The following TMEM135 variants were observed in gnomAD, a reference collection of about 807,000 sequenced individuals.
TMEM135 encodes the protein transmembrane protein 135, also known as peroxisomal membrane protein 52.
Under a neutral mutation model 60.3 loss-of-function variants are expected in TMEM135, and 30 were observed. The observed-to-expected ratio is 0.50, with a 90% CI of 0.37 to 0.68. The LOEUF (loss-of-function observed/expected upper bound fraction) is 0.68. Ranked by LOEUF, TMEM135 falls within the 30% of genes least tolerant of loss-of-function variation. The pLI, the probability that TMEM135 is intolerant of heterozygous loss-of-function variation, is 0.00. For synonymous variants in TMEM135, 190 were observed against 186.7 expected (o/e 1.02, Z -0.14); for missense variants, 468 against 548.8 (o/e 0.85, Z 1.47).
rs1391833537 is a variant in TMEM135, at chr11:87,324,645, G to A, written c.*3312G>A. 3 of 449,114 alleles carry A rather than the reference G, an allele frequency of 6.7e-6. No individual in the cohort carries two copies. Among genetic ancestry groups the A allele is most frequent in the African/African-American group, 6.1e-5 (3 of 49,416 alleles). 27.8% of individuals were successfully genotyped at this position (449,114 alleles called of 1,614,324 possible). On this transcript the variant is annotated 3_prime_UTR_variant, in exon 15 of 15. Coordinates refer to ENST00000305494, the MANE Select transcript of TMEM135 (RefSeq NM_022918.4). ...AAGGTGTTGCTATGTTGTCCAGGCT[G>A]GTCTTAAACTCCTGGCCTCAAGTGA... is the stretch of plus-strand genomic sequence containing the variant.
intron 6 of TMEM135, among the ~76,000 whole-genome samples, chr11:87,267,214 A>C (rs1005565739): frequency 6.6e-6 from 1 of 152,240 alleles, no homozygotes; most frequent in Non-Finnish European, 1.5e-5. Context: ...ACAAGTTAAC[A>C]AAAAGCAATA....
intron 6 of TMEM135, among the ~76,000 whole-genome samples, chr11:87,292,547 T>C (rs1253501776): frequency 6.6e-6 from 1 of 152,214 alleles, no homozygotes; most frequent in East Asian, 1.9e-4. Context: ...ATCTTTATAT[T>C]GTATTTTCAA....
At chr11:87,269,084 C>T (rs1258668812) in intron 6 of TMEM135, among the ~76,000 whole-genome samples, 10 of 149,116 alleles carry the variant, frequency 6.7e-5, no homozygotes, top group South Asian at 2.1e-4. Flanking sequence ...TTTTGAAATA[C>T]GCAATGCACA....
chr11:87,100,652 A>G (rs761105537), intron 4 of TMEM135, among the ~76,000 whole-genome samples: 14 of 152,220 alleles, frequency 9.2e-5, no homozygotes, highest in Non-Finnish European at 1.6e-4. Context: ...ACCTAAGGTC[A>G]GGAGTTCGAG....
chr11:87,101,211 T>A (rs1259198213), intron 4 of TMEM135, among the ~76,000 whole-genome samples: 1 of 152,114 alleles, frequency 6.6e-6, no homozygotes, highest in East Asian at 1.9e-4. Context: ...TATGAAAAAA[T>A]TTTCCTGGGG....
chr11:87,062,551 C>T (rs1156882361), intron 1 of TMEM135, among the ~76,000 whole-genome samples: 2 of 150,824 alleles, frequency 1.3e-5, no homozygotes, highest in Non-Finnish European at 3.0e-5. Flanking sequence ...GCAACCTCCA[C>T]CTCCTCGAGT....
chr11:87,161,974 T>C (rs957903028), intron 5 of TMEM135, among the ~76,000 whole-genome samples: 4 of 152,142 alleles, frequency 2.6e-5, no homozygotes, highest in African/African-American at 4.8e-5. Context: ...ATCTCTAGCC[T>C]TGGGGAGCTT....
rs1565426263 is a variant in TMEM135 at position 87,064,961 on chromosome 11, T to TC, written c.142-2733_142-2732insC. On this transcript the variant is annotated intron_variant, in intron 1 of 14. Coordinates refer to ENST00000305494, the MANE Select transcript of TMEM135 (RefSeq NM_022918.4). ...TAGCTTTAGGATTAGCTTTTTTTTTTTCCCCCCACTCAGTATAATTCTGTG... is the reference window on the plus strand; with the variant it reads ...TAGCTTTAGGATTAGCTTTTTTTTTTCTCCCCCCACTCAGTATAATTCTGTG... Among the ~76,000 whole-genome samples, 12 of 138,004 alleles carry TC rather than the reference T, an allele frequency of 8.7e-5. No individual in the cohort carries two copies. The South Asian group carries it at 2.0e-3, about 23-fold the overall frequency. 90.5% of individuals were successfully genotyped at this position (138,004 alleles called of 152,430 possible).
chr11:87,305,007 A>T (rs999994067), intron 8 of TMEM135, among the ~76,000 whole-genome samples: 3 of 152,176 alleles, frequency 2.0e-5, no homozygotes, highest in African/African-American at 7.2e-5. Context: ...TAAACACTGG[A>T]GGGTTAAGTG....
intron 1 of TMEM135, among the ~76,000 whole-genome samples, chr11:87,053,894 A>G (rs1949866775): frequency 6.6e-6 from 1 of 152,096 alleles, no homozygotes; most frequent in Non-Finnish European, 1.5e-5. Context: ...TAATGTTGTG[A>G]TTGAGATTTG....
In TMEM135 at chr11:87,159,617, A is replaced by ACACACACACACACACACCCCCC. The variant is rs140303858; in HGVS notation, c.462+2212_462+2213insACACACACACACACACCCCCCC. Among the ~76,000 whole-genome samples, 28 of 149,458 alleles carry ACACACACACACACACACCCCCC rather than the reference A, an allele frequency of 1.9e-4. No individual in the cohort carries two copies. In the East Asian group the frequency reaches 2.6e-3, roughly 14 times the overall value. The stretch of plus-strand genomic sequence containing the variant: ...CGCACACACACACACACACACACAC[A>ACACACACACACACACACCCCCC]CCATAGATTTTCCGAGACGGTTGGC... On this transcript the variant is annotated intron_variant, in intron 5 of 14. Coordinates refer to ENST00000305494, the MANE Select transcript of TMEM135 (RefSeq NM_022918.4).
chr11:87,150,787 T>A (rs1297467805), intron 4 of TMEM135, among the ~76,000 whole-genome samples: 1 of 152,186 alleles, frequency 6.6e-6, no homozygotes, highest in African/African-American at 2.4e-5. Flanking sequence ...TTTGTTATCT[T>A]GTTCCGGTCT....
chr11:87,210,310 A>C (rs549072567), intron 5 of TMEM135, among the ~76,000 whole-genome samples: 1 of 152,174 alleles, frequency 6.6e-6, no homozygotes, highest in Non-Finnish European at 1.5e-5. Flanking sequence ...AAATAAACAC[A>C]ATCCGAAGTG....
chr11:87,127,577 T>C (rs1937771711), intron 4 of TMEM135, among the ~76,000 whole-genome samples: 1 of 152,212 alleles, frequency 6.6e-6, no homozygotes, highest in Admixed American at 6.5e-5. Context: ...TGGAAATCTA[T>C]TAAATTATAT....
intron 5 of TMEM135, among the ~76,000 whole-genome samples, chr11:87,210,396 A>T (rs1940337424): frequency 6.6e-6 from 1 of 152,234 alleles, no homozygotes; most frequent in African/African-American, 2.4e-5. Context: ...CTCTAGGCAC[A>T]CAAACTAGGA....
chr11:87,224,630 A>G (rs888898995), intron 5 of TMEM135, among the ~76,000 whole-genome samples: 3 of 152,186 alleles, frequency 2.0e-5, no homozygotes, highest in Non-Finnish European at 2.9e-5. Context: ...CATTTATAAC[A>G]AGCAGACTTC....
At chr11:87,223,138 G>T (rs566213353) in intron 5 of TMEM135, among the ~76,000 whole-genome samples, 5 of 151,006 alleles carry the variant, frequency 3.3e-5, no homozygotes, top group Non-Finnish European at 7.4e-5. Context: ...TCTATATTCT[G>T]CAGTAAATGG....
rs930679603 is a variant in TMEM135 at position 87,146,745 on chromosome 11, G to A, written c.397-10596G>A. Among the ~76,000 whole-genome samples the A allele has an allele frequency of 3.3e-5, 5 of 152,164 alleles. No homozygotes were observed. In the East Asian group the frequency reaches 5.8e-4, roughly 18 times the overall value. ...CTAACTCTTTATGGAGTGTTTTCAC[G>A]TATATTAATACCTGCATTGACCACT... On this transcript the variant is annotated intron_variant, in intron 4 of 14. Coordinates refer to ENST00000305494, the MANE Select transcript of TMEM135 (RefSeq NM_022918.4).
In TMEM135 at chr11:87,102,231, C is replaced by T. The variant is rs141619279; in HGVS notation, c.396+10836C>T. ...AAGTAATAGTTGTTATCTGTACTTC[C>T]AACTGATCAGCTATAAATTGGAGTT... On this transcript the variant is annotated intron_variant, in intron 4 of 14. Transcript: ENST00000305494. Among the ~76,000 whole-genome samples the T allele has an allele frequency of 1.6e-3, 238 of 152,280 alleles. 2 individuals carry two copies. The highest frequency in any genetic ancestry group is 5.5e-3 in the African/African-American group (229 of 41,548).
Sources: gnomAD v4.1 joint callset for allele counts (sites outside exome capture counted in the v4.1 genomes callset) on GRCh38, gnomAD v4.1.1 for gene constraint, MANE v1.5 for transcripts, NCBI Gene and HGNC (gene_info 2026-07-23, HGNC 2026-07-21) for gene names.